Variants in STX10 observed in about 807,000 individuals in gnomAD.
STX10 encodes syntaxin-10.
Under a neutral mutation model 34.1 loss-of-function variants are expected in STX10, and 35 were observed. The observed-to-expected ratio is 1.03, with a 90% CI of 0.78 to 1.36. The LOEUF is 1.36. Ranked by LOEUF, STX10 falls within the 40% of genes most tolerant of loss-of-function variation. The pLI is 0.00. For missense variants in STX10, 361 were observed against 335.5 expected, an observed-to-expected ratio of 1.08 and a Z score of -0.59; for synonymous variants, 155 against 132.9, an observed-to-expected ratio of 1.17 and a Z score of -1.15.
intron 1 of STX10, 39 bp from the exon 2 acceptor site, chr19:13,149,936 C>A: frequency 6.6e-7 from 1 of 1,525,530 alleles, no homozygotes; most frequent in Non-Finnish European, 8.8e-7. Flanking sequence ...TGGGGGCAGG[C>A]GGTCCTCCCG....
At chr19:13,145,155 C>T (rs1353709216) in intron 5 of STX10, 133 bp downstream of exon 5, 8 of 824,042 alleles carry the variant, frequency 9.7e-6, no homozygotes, top group African/African-American at 1.7e-5. Flanking sequence ...GCTGAGATCG[C>T]GCCACTGCAC....
chr19:13,147,401 G>A (rs2019925503), intron 4 of STX10, among the ~76,000 whole-genome samples: 2 of 151,536 alleles, frequency 1.3e-5, no homozygotes, highest in African/African-American at 4.9e-5. Context: ...GAAGGTGGAG[G>A]TTTCAGTGAG....
In STX10 at chr19:13,148,503, CAAA is replaced by C. The variant is rs35867694; in HGVS notation, c.363+523_363+525del. ...GGGCAACAAGAGTGAAACTCCATCTCAAAAAAAAAAAAAAAAAAATACAGAAGT... is the reference window on the plus strand; with the variant it reads ...GGGCAACAAGAGTGAAACTCCATCTCAAAAAAAAAAAAAAAATACAGAAGT... On this transcript the variant is annotated intron_variant, in intron 4 of 7. Coordinates refer to ENST00000587230, the MANE Select transcript of STX10 (RefSeq NM_003765.3). Among the ~76,000 whole-genome samples the C allele has an allele frequency of 6.1e-3, 463 of 75,302 alleles. 2 individuals carry two copies. Among genetic ancestry groups the C allele is most frequent in the African/African-American group, 0.019 (414 of 22,230 alleles). The allele number at this position is 75,302 out of a possible 152,430, so 49.4% of individuals were successfully genotyped here. A position where few individuals can be genotyped will look rare whatever the true frequency, so the allele number is the denominator to read the frequency against.
intron 5 of STX10, 61 bp from the exon 6 acceptor site, chr19:13,144,931 G>C (rs2019863491): frequency 1.4e-6 from 2 of 1,459,028 alleles, no homozygotes; most frequent in Admixed American, 1.9e-5. Flanking sequence ...AGGCGCTATG[G>C]CTTATGACTG....
Position 13,145,426 on chromosome 19 carries a change from G to A in STX10, c.364-31C>T, listed in dbSNP as rs1171020649. ...GGGGCACACAACATAGGCTCAGGGA[G>A]AGACCCCAACTCACAGCGGGGCCTG... On this transcript the variant is annotated intron_variant, in intron 4 of 7. Transcript: ENST00000587230. 4 of 1,589,406 alleles carry A rather than the reference G, an allele frequency of 2.5e-6. No homozygotes were observed. The African/African-American group carries it at 4.0e-5, about 16-fold the overall frequency.
rs1203063883 is a variant in STX10, at chr19:13,144,467, G to A, written c.693C>T (p.Ala231=). The change falls in exon 8 of 8, where the codon GCC becomes GCT. Residue 231 remains alanine (A), a synonymous_variant. Coordinates refer to ENST00000587230, the MANE Select transcript of STX10 (RefSeq NM_003765.3). ...HMTSDRRQWC[A]IAVLVGVLLL... ...GAAGCACCCCCACTAGCACGGCGAT[G>A]GCACACCACTGTCGGCGGTCTGGGA... 1 of 1,613,488 alleles carries A rather than the reference G, an allele frequency of 6.2e-7. No homozygotes were observed. Among genetic ancestry groups the A allele is most frequent in the Non-Finnish European group, 8.5e-7 (1 of 1,179,852 alleles).
intron 4 of STX10, among the ~76,000 whole-genome samples, chr19:13,147,246 C>A (rs926726016): frequency 7.9e-5 from 12 of 152,102 alleles, no homozygotes; most frequent in Non-Finnish European, 1.5e-4. Flanking sequence ...GGGCGGATCA[C>A]CTGAGGTAGG....
At position 13,149,140 on chromosome 19, in the gene STX10, G is replaced by A. The variant is rs561378433; in HGVS notation, c.301-49C>T. 348 of 1,506,224 alleles carry A rather than the reference G, an allele frequency of 2.3e-4. 6 individuals are homozygous for A. The South Asian group carries it at 3.9e-3, about 17-fold the overall frequency. 93.3% of individuals were successfully genotyped at this position (1,506,224 alleles called of 1,614,324 possible). A position where few individuals can be genotyped will look rare whatever the true frequency, so the allele number is the denominator to read the frequency against. On this transcript the variant is annotated intron_variant, in intron 3 of 7. Transcript: ENST00000587230. ...GAGGAAAGACACTCAGGCTGGGCGCGGTGGCTCACGCCTGTAATCCTAGCA... is the reference window on the plus strand; with the variant it reads ...GAGGAAAGACACTCAGGCTGGGCGCAGTGGCTCACGCCTGTAATCCTAGCA...
At position 13,144,076 on chromosome 19, in the gene STX10, A is replaced by G. The variant is rs1311604975; in HGVS notation, c.*334T>C. 2 of 371,106 alleles carry G rather than the reference A, an allele frequency of 5.4e-6. No individual in the cohort carries two copies. Among genetic ancestry groups the G allele is most frequent in the Admixed American group, 4.1e-5 (1 of 24,600 alleles). The allele number at this position is 371,106 out of a possible 1,614,324, so 23.0% of individuals were successfully genotyped here. A position where few individuals can be genotyped will look rare whatever the true frequency, so the allele number is the denominator to read the frequency against. ...ACACAAATACGTATAAAAAAGGCTG[A>G]CATTTTATTTCCAGGTTGGCACGTG... On this transcript the variant is annotated 3_prime_UTR_variant, in exon 8 of 8. Transcript: ENST00000587230.
chr19:13,148,692 AAG>A (rs2145640632), intron 4 of STX10, among the ~76,000 whole-genome samples: 1 of 152,072 alleles, frequency 6.6e-6, no homozygotes, highest in East Asian at 1.9e-4. Context: ...AGAAAAAAAA[AAG>A]AGTAAAAGGC....
Position 13,150,206 on chromosome 19 carries a change from T to G in STX10, c.-33A>C. 4 of 713,060 alleles carry G rather than the reference T, an allele frequency of 5.6e-6. No individual in the cohort carries two copies. Among genetic ancestry groups the G allele is most frequent in the East Asian group, 4.1e-5 (1 of 24,244 alleles). The allele number at this position is 713,060 out of a possible 1,614,324, so 44.2% of individuals were successfully genotyped here. On this transcript the variant is annotated 5_prime_UTR_variant, in exon 1 of 8. Coordinates refer to ENST00000587230, the MANE Select transcript of STX10 (RefSeq NM_003765.3). This position sits in a 1 kb window ranked among gnomAD's most constrained non-coding sequence, Gnocchi z 4.0. The stretch of plus-strand genomic sequence containing the variant: ...CCTTCCCCCCCAGGCCGAACCCCCC[T>G]CCCGGCCTGGGTTCGCGGGCTGGTT...
chr19:13,149,826 G>A lies in STX10; in HGVS notation c.107C>T (p.Ala36Val), dbSNP rs1600026565. The A allele has an allele frequency of 5.0e-6, 8 of 1,613,564 alleles. No homozygotes were observed. Among genetic ancestry groups the A allele is most frequent in the Non-Finnish European group, 6.8e-6 (8 of 1,179,976 alleles). The change falls in exon 2 of 8, where the codon GCG becomes GTG. Residue 36 changes from alanine to valine, a missense_variant. By Grantham distance (64) the Ala-to-Val change is moderately conservative (BLOSUM62 0). Transcript: ENST00000587230. ...QRWCELLQES[A>V]AVGREELDWT... Reference sequence around the variant, plus strand: ...GTCCAGCTCCTCGCGTCCGACCGCCGCGCTTTCCTGCAGGAGCTCGCACCA... The same window carrying A: ...GTCCAGCTCCTCGCGTCCGACCGCCACGCTTTCCTGCAGGAGCTCGCACCA...
intron 6 of STX10, 28 bp downstream of exon 6, chr19:13,144,735 CT>C: frequency 6.2e-7 from 1 of 1,612,996 alleles, no homozygotes; most frequent in Non-Finnish European, 8.5e-7. Context: ...CCGAGAGCCC[CT>C]GGCCCACCCC....
At chr19:13,145,877 A>G (rs1300059422) in intron 4 of STX10, among the ~76,000 whole-genome samples, 1 of 151,852 alleles carries the variant, frequency 6.6e-6, no homozygotes, top group Non-Finnish European at 1.5e-5. Flanking sequence ...TACAAAAATT[A>G]GCCAGGCTTG....
chr19:13,148,583 G>A (rs1306384812), intron 4 of STX10, among the ~76,000 whole-genome samples: 1 of 151,960 alleles, frequency 6.6e-6, no homozygotes, highest in African/African-American at 2.4e-5. Flanking sequence ...GGGAGGCTGA[G>A]GCAGGAGAAT....
chr19:13,144,737 G>T, intron 6 of STX10, 27 bp downstream of exon 6: 1 of 1,613,004 alleles, frequency 6.2e-7, no homozygotes, highest in Non-Finnish European at 8.5e-7. Flanking sequence ...GAGAGCCCCT[G>T]GCCCACCCCC....
rs776100030 is a variant in STX10, at chr19:13,149,888, C to A, written c.45G>T (p.Gln15His). The change falls in exon 2 of 8, where the codon CAG becomes CAT. Residue 15 changes from glutamine (Q) to histidine (H), a missense_variant. By Grantham distance (24) the Gln-to-His change is conservative (BLOSUM62 0). Transcript: ENST00000587230. ...GCCCGCGGGCCGTGTTCACCGCCTT[C>A]TGCACCTCGCTGCGGGCAGGGGCAC... is the stretch of plus-strand genomic sequence containing the variant. ...DPFFVVRGEV[Q>H]KAVNTARGLY... The A allele has an allele frequency of 6.3e-7, 1 of 1,591,408 alleles. No individual in the cohort carries two copies. The highest frequency in any genetic ancestry group is 8.5e-7 in the Non-Finnish European group (1 of 1,169,702).
At chr19:13,144,516 G>A in intron 7 of STX10, 30 bp from the exon 8 acceptor site, 2 of 1,613,824 alleles carry the variant, frequency 1.2e-6, no homozygotes, top group East Asian at 2.2e-5. Flanking sequence ...GGGTCACGGG[G>A]AGAGGGTACC....
rs776011058 is a variant in STX10 at position 13,150,196 on chromosome 19, C to CGG, written c.-24_-23insCC. 6 of 944,984 alleles carry CGG rather than the reference C, an allele frequency of 6.3e-6. No homozygotes were observed. The Admixed American group carries it at 1.1e-4, about 18-fold the overall frequency. The allele number at this position is 944,984 out of a possible 1,614,324, so 58.5% of individuals were successfully genotyped here. Reference sequence around the variant, plus strand: ...CATGTCAGTCCCTTCCCCCCCAGGCCGAACCCCCCTCCCGGCCTGGGTTCG... The same window carrying CGG: ...CATGTCAGTCCCTTCCCCCCCAGGCCGGGAACCCCCCTCCCGGCCTGGGTTCG... On this transcript the variant is annotated 5_prime_UTR_variant, in exon 1 of 8. Transcript: ENST00000587230. This position sits in a 1 kb window ranked among gnomAD's most constrained non-coding sequence, Gnocchi z 4.0.
Sources: gnomAD v4.1 joint callset for allele counts (sites outside exome capture counted in the v4.1 genomes callset) on GRCh38, gnomAD v4.1.1 for gene constraint, Gnocchi (gnomAD v3.1) non-coding constraint, MANE v1.5 for transcripts, NCBI Gene and HGNC (gene_info 2026-07-23, HGNC 2026-07-21) for gene names.